The following DOCK2 variants were observed in gnomAD, a reference collection of about 807,000 sequenced individuals.
DOCK2 encodes the protein dedicator of cytokinesis 2, also known as dedicator of cytokinesis protein 2.
In DOCK2, 87 loss-of-function variants were observed where a neutral mutation model predicts 248.9. The ratio of observed to expected loss-of-function variants is 0.35; its 90% CI spans 0.29 to 0.42. The LOEUF (loss-of-function observed/expected upper bound fraction) is 0.42. DOCK2 is among the 10% of genes least tolerant of loss of function. The probability of loss-of-function intolerance (pLI) is 1.00; values close to 1 mark genes in which losing one functional copy is unlikely to be tolerated. For synonymous variants in DOCK2, 805 were observed against 821.6 expected (o/e 0.98, Z 0.35); for missense variants, 1,747 against 2,300.2 (o/e 0.76, Z 4.92).
intron 26 of DOCK2, among the ~76,000 whole-genome samples, chr5:169,820,678 G>A (rs1243972055): frequency 6.6e-6 from 1 of 152,168 alleles, no homozygotes; most frequent in African/African-American, 2.4e-5. Context: ...AAAAAACAGA[G>A]CAGAAAAACT....
At chr5:169,774,086 A>T (rs113756290) in intron 25 of DOCK2, among the ~76,000 whole-genome samples, 5,341 of 152,220 alleles carry the variant, frequency 0.035, 222 homozygotes, top group Admixed American at 0.14. Flanking sequence ...TGAGACTTTT[A>T]TGTTGATCTG....
At chr5:169,878,289 G>T (rs545916416) in intron 27 of DOCK2, among the ~76,000 whole-genome samples, 1 of 152,202 alleles carries the variant, frequency 6.6e-6, no homozygotes, top group East Asian at 1.9e-4. Context: ...GTTTTTGCAA[G>T]ATTCCCCATA....
At chr5:170,070,986 G>A (rs893748883) in intron 46 of DOCK2, among the ~76,000 whole-genome samples, 4 of 152,060 alleles carry the variant, frequency 2.6e-5, no homozygotes, top group African/African-American at 7.2e-5. Flanking sequence ...TTCAGACACC[G>A]CCCCCTAGTG....
At chr5:169,908,060 C>T (rs952176390) in intron 27 of DOCK2, among the ~76,000 whole-genome samples, 1 of 152,184 alleles carries the variant, frequency 6.6e-6, no homozygotes, top group African/African-American at 2.4e-5. Context: ...TAGATCAAGC[C>T]ATCCCCAGGA....
At chr5:169,680,351 A>G (rs1759591492) in intron 6 of DOCK2, among the ~76,000 whole-genome samples, 1 of 152,244 alleles carries the variant, frequency 6.6e-6, no homozygotes. Flanking sequence ...TGCTGCTATT[A>G]GTATCACTGA....
chr5:170,077,893 C>T (rs756202056), intron 48 of DOCK2, 56 bp downstream of exon 48: 151 of 1,430,108 alleles, frequency 1.1e-4, no homozygotes, highest in Non-Finnish European at 1.4e-4. Flanking sequence ...GGCTCTATCC[C>T]CCCTCCTTCT....
At chr5:169,864,450 A>G (rs1046778631) in intron 27 of DOCK2, 3 of 1,541,408 alleles carry the variant, frequency 1.9e-6, no homozygotes, top group Admixed American at 4.0e-5. Context: ...GCCGAAAATC[A>G]TACTCTACAC....
At chr5:169,667,324 G>A (rs1322008391) in intron 2 of DOCK2, among the ~76,000 whole-genome samples, 2 of 152,184 alleles carry the variant, frequency 1.3e-5, no homozygotes, top group Non-Finnish European at 2.9e-5. Context: ...ACATAAGCTT[G>A]AGTTTGAACT....
chr5:170,010,917 G>A (rs914062794), intron 32 of DOCK2, among the ~76,000 whole-genome samples: 1 of 152,186 alleles, frequency 6.6e-6, no homozygotes, highest in African/African-American at 2.4e-5. Flanking sequence ...GCACACAGAA[G>A]ATTTTATTTA....
intron 26 of DOCK2, among the ~76,000 whole-genome samples, chr5:169,828,024 T>C (rs1255144988): frequency 6.6e-6 from 1 of 152,176 alleles, no homozygotes; most frequent in Admixed American, 6.5e-5. Context: ...GCCAGCACCA[T>C]GGAGAAGGGC....
chr5:170,078,086 C>T (rs956670772), intron 48 of DOCK2, among the ~76,000 whole-genome samples: 7 of 152,202 alleles, frequency 4.6e-5, no homozygotes, highest in Admixed American at 2.6e-4. Context: ...TCACCTGCAG[C>T]CCCCAGACTT....
At chr5:170,013,908 G>T (rs1254789399) in intron 32 of DOCK2, among the ~76,000 whole-genome samples, 6 of 152,078 alleles carry the variant, frequency 3.9e-5, no homozygotes, top group Non-Finnish European at 8.8e-5. Flanking sequence ...GCACTGAATA[G>T]TTACCTACTA....
chr5:169,906,370 C>T (rs1206282451), intron 27 of DOCK2, among the ~76,000 whole-genome samples: 4 of 152,306 alleles, frequency 2.6e-5, no homozygotes, highest in East Asian at 1.9e-4. Flanking sequence ...AGCCAGCAAA[C>T]GGGCGTTCAT....
At chr5:169,784,888 TG>T (rs1253393843) in intron 25 of DOCK2, among the ~76,000 whole-genome samples, 2 of 152,242 alleles carry the variant, frequency 1.3e-5, no homozygotes, top group Admixed American at 6.5e-5. Context: ...GTGGAAATTA[TG>T]ATGAATACAT....
chr5:169,776,133 A>G, intron 25 of DOCK2, among the ~76,000 whole-genome samples: 1 of 143,804 alleles, frequency 7.0e-6, no homozygotes, highest in African/African-American at 2.6e-5. Context: ...ATGATATGAT[A>G]TGAATCATAT....
At chr5:169,644,438 C>T (rs1164212342) in intron 1 of DOCK2, among the ~76,000 whole-genome samples, 1 of 151,934 alleles carries the variant, frequency 6.6e-6, no homozygotes, top group Non-Finnish European at 1.5e-5. Flanking sequence ...TGGGGTTTTC[C>T]TCTTGGAATG....
At chr5:169,744,660 C>A (rs1763505511) in intron 22 of DOCK2, among the ~76,000 whole-genome samples, 1 of 152,084 alleles carries the variant, frequency 6.6e-6, no homozygotes, top group African/African-American at 2.4e-5. Context: ...ACCAGGACAG[C>A]CTCAGGGATC....
chr5:169,856,560 T>G (rs192550665), intron 27 of DOCK2, among the ~76,000 whole-genome samples: 8 of 152,338 alleles, frequency 5.3e-5, no homozygotes, highest in Non-Finnish European at 1.0e-4. Context: ...TTTGATTTTG[T>G]TCCCTTTGAT....
intron 43 of DOCK2, chr5:170,057,020 C>A: frequency 2.1e-6 from 1 of 484,280 alleles, no homozygotes; most frequent in Non-Finnish European, 3.7e-6. Flanking sequence ...ACAGGGCATT[C>A]AGGCATTGCC....
Sources: gnomAD v4.1 joint callset for allele counts (sites outside exome capture counted in the v4.1 genomes callset) on GRCh38, gnomAD v4.1.1 for gene constraint, MANE v1.5 for transcripts, NCBI Gene and HGNC (gene_info 2026-07-23, HGNC 2026-07-21) for gene names.